The following PKN2 variants were observed in gnomAD, a reference collection of about 807,000 sequenced individuals.
PKN2 encodes the protein serine/threonine-protein kinase N2.
A neutral mutation model predicts 119.1 loss-of-function variants in PKN2; 38 were observed. The ratio of observed to expected loss-of-function variants is 0.32; its 90% CI spans 0.25 to 0.42. The LOEUF is 0.42. Among genes scored for constraint, PKN2 ranks in the 10% least tolerant of loss-of-function variants. PKN2 has a pLI of 1.00. For synonymous variants in PKN2, 390 were observed against 384.9 expected (o/e 1.01, Z -0.15); for missense variants, 850 against 1,165.1 (o/e 0.73, Z 3.94).
At chr1:88,741,317 A>AT in intron 2 of PKN2, 29 bp downstream of exon 2, 1 of 1,332,502 alleles carries the variant, frequency 7.5e-7, no homozygotes, top group African/African-American at 1.5e-5. Flanking sequence ...TGATGTTTAT[A>AT]TGGTATATTA....
At position 88,833,375 on chromosome 1, in the gene PKN2, G is replaced by C. The variant is rs776454578; in HGVS notation, c.2882G>C (p.Arg961Pro). The C allele has an allele frequency of 6.2e-7, 1 of 1,613,386 alleles. No individual in the cohort carries two copies. The highest frequency in any genetic ancestry group is 2.2e-5 in the East Asian group (1 of 44,860). Residue 961 changes from arginine (R) to proline (P), a missense_variant, in exon 22 of 22, where the codon CGA (arginine) becomes CCA (proline). By Grantham distance (103) the Arg-to-Pro change is moderately radical. Around this residue, in one of 9 missense-constraint regions of PKN2, gnomAD observed 52 missense variants for 39.9 expected, o/e 1.30. Transcript: ENST00000370521. The stretch of plus-strand genomic sequence containing the variant: ...GAAGCACCTATTCTGACTCCACCTC[G>C]AGAACCAAGGATACTTTCGGAAGAG... ...TSEAPILTPP[R>P]EPRILSEEEQ... is the part of the protein sequence containing the mutation.
At chr1:88,799,501 A>G (rs896384801) in intron 8 of PKN2, among the ~76,000 whole-genome samples, 2 of 152,244 alleles carry the variant, frequency 1.3e-5, no homozygotes, top group African/African-American at 2.4e-5. Flanking sequence ...TGATGACTAC[A>G]AAGTTCACTT....
chr1:88,819,252 G>A (rs1672144488), intron 16 of PKN2, among the ~76,000 whole-genome samples: 1 of 152,096 alleles, frequency 6.6e-6, no homozygotes, highest in African/African-American at 2.4e-5. Context: ...TACAGAATGG[G>A]AGAAGATTTT....
At chr1:88,728,714 TTC>T (rs1667999922) in intron 1 of PKN2, among the ~76,000 whole-genome samples, 1 of 152,128 alleles carries the variant, frequency 6.6e-6, no homozygotes, top group Non-Finnish European at 1.5e-5. Flanking sequence ...GGAGCCAGGT[TTC>T]TCACTGTTGG....
chr1:88,752,441 T>G (rs1320608066), intron 2 of PKN2, among the ~76,000 whole-genome samples: 1 of 152,154 alleles, frequency 6.6e-6, no homozygotes, highest in Non-Finnish European at 1.5e-5. Context: ...AATTTTTTTC[T>G]CATTCATGGT....
chr1:88,807,891 A>G (rs890263482), intron 15 of PKN2, 116 bp downstream of exon 15: 193 of 625,446 alleles, frequency 3.1e-4, no homozygotes, highest in Non-Finnish European at 4.7e-5. Flanking sequence ...AAGAAATTAA[A>G]TATAATGTAT....
chr1:88,692,128 C>A (rs981576402), intron 1 of PKN2, among the ~76,000 whole-genome samples: 1 of 151,716 alleles, frequency 6.6e-6, no homozygotes, highest in Admixed American at 6.6e-5. Context: ...CTTGATTTTT[C>A]ACCTGTTATA....
chr1:88,777,231 C>T (rs1402343618), intron 6 of PKN2, among the ~76,000 whole-genome samples: 1 of 151,988 alleles, frequency 6.6e-6, no homozygotes, highest in Non-Finnish European at 1.5e-5. Flanking sequence ...CTTTTCAATT[C>T]CAGAATTTCT....
chr1:88,779,967 A>G (rs914699607), intron 6 of PKN2, among the ~76,000 whole-genome samples: 1 of 152,202 alleles, frequency 6.6e-6, no homozygotes, highest in African/African-American at 2.4e-5. Context: ...TCATGTAGTC[A>G]CCATTCAGAC....
Position 88,784,635 on chromosome 1 carries a change from A to C in PKN2, c.986-4A>C. ...TCTTATCTGATATTTATGTTTGCCA[A>C]CAGGTACTTTGGAAGTTCGTCTTAT... is the stretch of plus-strand genomic sequence containing the variant. On this transcript the variant is annotated splice_polypyrimidine_tract_variant and splice_region_variant and intron_variant, in intron 6 of 21. Transcript: ENST00000370521. 6.4e-7 allele frequency: 1 copy of C among 1,557,658 alleles called. No individual in the cohort carries two copies. The highest frequency in any genetic ancestry group is 8.7e-7 in the Non-Finnish European group (1 of 1,149,542).
intron 3 of PKN2, among the ~76,000 whole-genome samples, chr1:88,768,167 G>A (rs947497359): frequency 6.6e-6 from 1 of 152,156 alleles, no homozygotes; most frequent in African/African-American, 2.4e-5. Context: ...AACAGGAAAT[G>A]GCATTAACTT....
intron 8 of PKN2, among the ~76,000 whole-genome samples, chr1:88,787,499 T>C (rs938805547): frequency 1.3e-5 from 2 of 152,212 alleles, no homozygotes; most frequent in Admixed American, 6.5e-5. Flanking sequence ...AGACCTTCAG[T>C]GTCTTAACTT....
chr1:88,803,785 G>A (rs1671427828), intron 8 of PKN2, among the ~76,000 whole-genome samples: 1 of 152,084 alleles, frequency 6.6e-6, no homozygotes, highest in Admixed American at 6.6e-5. Context: ...ATATCTTTCT[G>A]TATAAAGCTT....
chr1:88,821,753 C>T (rs1258951967), intron 16 of PKN2, among the ~76,000 whole-genome samples, 188 bp from the exon 17 acceptor site: 1 of 152,192 alleles, frequency 6.6e-6, no homozygotes, highest in Non-Finnish European at 1.5e-5. Flanking sequence ...CTTCCATTGT[C>T]AAGACTGTAC....
intron 1 of PKN2, 45 bp from the exon 2 acceptor site, chr1:88,740,943 C>T (rs752672432): frequency 7.6e-7 from 1 of 1,319,912 alleles, no homozygotes. Context: ...ACTGAGCAGC[C>T]AACTCTCCTA....
At chr1:88,802,193 G>A (rs1671341287) in intron 8 of PKN2, among the ~76,000 whole-genome samples, 1 of 152,180 alleles carries the variant, frequency 6.6e-6, no homozygotes, top group Admixed American at 6.5e-5. Flanking sequence ...AAATCAAGAT[G>A]AGCTTTGAAG....
intron 1 of PKN2, among the ~76,000 whole-genome samples, chr1:88,699,424 C>T (rs149582890): frequency 1.2e-4 from 18 of 151,914 alleles, no homozygotes; most frequent in African/African-American, 3.4e-4. Flanking sequence ...TAAAAATTTC[C>T]AACTTTCAAG....
intron 1 of PKN2, among the ~76,000 whole-genome samples, chr1:88,705,990 A>T: frequency 6.6e-6 from 1 of 151,860 alleles, no homozygotes; most frequent in Non-Finnish European, 1.5e-5. Context: ...TTATATTTCC[A>T]TATAATTTTT....
chr1:88,735,614 C>G lies in PKN2; in HGVS notation c.49-5374C>G, dbSNP rs1392867639. On this transcript the variant is annotated intron_variant, in intron 1 of 21. Transcript: ENST00000370521. ...TGGTTGACAGCCCACCCCCCCCCCC[C>G]CCACCCCCAATCTTTTTTTTTCTTT... Among the ~76,000 whole-genome samples, 22 of 76,990 alleles carry G rather than the reference C, an allele frequency of 2.9e-4. 1 individual carries two copies. The highest frequency in any genetic ancestry group is 1.0e-3 in the African/African-American group (21 of 20,452). The allele number at this position is 76,990 out of a possible 152,430, so 50.5% of individuals were successfully genotyped here. A position where few individuals can be genotyped will look rare whatever the true frequency, so the allele number is the denominator to read the frequency against.
Sources: gnomAD v4.1 joint callset for allele counts (sites outside exome capture counted in the v4.1 genomes callset) on GRCh38, gnomAD v4.1.1 for gene constraint, gnomAD v4.1.1 regional missense constraint, MANE v1.5 for transcripts, NCBI Gene and HGNC (gene_info 2026-07-23, HGNC 2026-07-21) for gene names.